Variants in CTSD observed in about 807,000 individuals in gnomAD.
CTSD encodes the protein ceroid-lipofuscinosis, neuronal 10.
CTSD carries 28 observed loss-of-function variants against 43.6 expected under a neutral mutation model. The observed-to-expected ratio is 0.64, with a 90% confidence interval of 0.48 to 0.88. CTSD has a LOEUF of 0.88. CTSD is among the 40% of genes least tolerant of loss of function. CTSD has a pLI of 0.00. For synonymous variants in CTSD, 270 were observed against 249.8 expected (o/e 1.08, Z -0.76); for missense variants, 485 against 555.2 (o/e 0.87, Z 1.27).
At chr11:1,758,880 G>A (rs1475945069) in intron 4 of CTSD, 89 bp downstream of exon 4, 28 of 975,126 alleles carry the variant, frequency 2.9e-5, no homozygotes, top group East Asian at 4.8e-5. Flanking sequence ...TGGGATCACC[G>A]AGCCCTCCCT....
intron 5 of CTSD, among the ~76,000 whole-genome samples, chr11:1,756,854 G>A (rs1035590758): frequency 6.6e-6 from 1 of 152,200 alleles, no homozygotes; most frequent in Non-Finnish European, 1.5e-5. Context: ...TGCTCGCAGC[G>A]TGGTGCCGGG....
Position 1,754,893 on chromosome 11 carries a change from A to G in CTSD, c.827+13T>C, listed in dbSNP as rs369602025. On this transcript the variant is annotated intron_variant, in intron 6 of 8. Transcript: ENST00000236671. ...CACAGAACCCAGGGGAGCCGACTGC[A>G]GCCACTACTCACTGGTCCAGGTGGA... The G allele has an allele frequency of 6.2e-4, 1,003 of 1,613,652 alleles. 5 individuals are homozygous for G. The Middle Eastern group carries it at 6.6e-3, about 11-fold the overall frequency.
Position 1,758,588 on chromosome 11 carries a change from C to T in CTSD, c.471+381G>A, listed in dbSNP as rs535950408. On this transcript the variant is annotated intron_variant, in intron 4 of 8. Transcript: ENST00000236671. ...ACAGCGGGTTCCTGGTACATCCTCCCAACCCCAAGCCTCCCCAAGCCCTCG... is the reference window on the plus strand; with the variant it reads ...ACAGCGGGTTCCTGGTACATCCTCCTAACCCCAAGCCTCCCCAAGCCCTCG... Among the ~76,000 whole-genome samples, 104 of 152,210 alleles carry T rather than the reference C, an allele frequency of 6.8e-4. 2 individuals are homozygous for T. Among genetic ancestry groups the T allele is most frequent in the Middle Eastern group, 3.4e-3 (1 of 292 alleles).
intron 1 of CTSD, 55 bp from the exon 2 acceptor site, chr11:1,761,523 G>T (rs529109482): frequency 3.8e-6 from 6 of 1,582,792 alleles, no homozygotes; most frequent in Admixed American, 1.7e-5. Flanking sequence ...GCCGGCCGAC[G>T]CTGCCAATGC....
Position 1,761,290 on chromosome 11 carries a change from G to A in CTSD, c.228+19C>T. 6.2e-7 allele frequency: 1 copy of A among 1,613,328 alleles called. No homozygotes were observed. On this transcript the variant is annotated intron_variant, in intron 2 of 8. Transcript: ENST00000236671. ...TGACAGTGGCTCCGCTTGCAGCAGGGCTAAGACCTCATACTCACGTCCATG... is the reference window on the plus strand; with the variant it reads ...TGACAGTGGCTCCGCTTGCAGCAGGACTAAGACCTCATACTCACGTCCATG...
chr11:1,756,433 C>T (rs181094171), intron 5 of CTSD, among the ~76,000 whole-genome samples: 28 of 152,298 alleles, frequency 1.8e-4, no homozygotes, highest in East Asian at 7.7e-4. Context: ...GCCCTACAGC[C>T]GGAATTCTGC....
intron 4 of CTSD, chr11:1,758,084 C>A (rs562788827): frequency 3.8e-5 from 8 of 210,118 alleles, no homozygotes; most frequent in Non-Finnish European, 5.9e-5. Flanking sequence ...GAGGCTGACA[C>A]GGGGCGGAGG....
chr11:1,763,738 A>G (rs1001964174), intron 1 of CTSD, 54 bp downstream of exon 1: 7 of 1,460,962 alleles, frequency 4.8e-6, no homozygotes, highest in Non-Finnish European at 5.5e-6. Flanking sequence ...AGGCCCCGGG[A>G]CCTCGGCGCC....
intron 1 of CTSD, chr11:1,763,401 G>A (rs1312127479): frequency 1.0e-5 from 2 of 194,800 alleles, no homozygotes; most frequent in Non-Finnish European, 2.1e-5. Context: ...AGACTCGGGG[G>A]CTCTGAGGCC....
intron 5 of CTSD, among the ~76,000 whole-genome samples, chr11:1,755,988 GACT>G (rs1845804474): frequency 6.6e-6 from 1 of 151,970 alleles, no homozygotes; most frequent in African/African-American, 2.4e-5. Context: ...GCTGCCTTGA[GACT>G]ACACCTGGGC....
chr11:1,753,263 G>C lies in CTSD; in HGVS notation c.*240C>G. 3.4e-6 allele frequency: 2 copies of C among 588,604 alleles called. No homozygotes were observed. The highest frequency in any genetic ancestry group is 6.1e-6 in the Non-Finnish European group (2 of 328,312). The allele number at this position is 588,604 out of a possible 1,614,324, so 36.5% of individuals were successfully genotyped here. A position where few individuals can be genotyped will look rare whatever the true frequency, so the allele number is the denominator to read the frequency against. On this transcript the variant is annotated 3_prime_UTR_variant, in exon 9 of 9. Transcript: ENST00000236671. ...ATGCACGAAACAGATCTGTGCTCTG[G>C]ATCAGCTCTACCCCCACCAAACAGA... is the stretch of plus-strand genomic sequence containing the variant.
chr11:1,753,693 T>G (rs1408830438), intron 8 of CTSD, 23 bp from the exon 9 acceptor site: 1 of 1,611,928 alleles, frequency 6.2e-7, no homozygotes, highest in Admixed American at 1.7e-5. Flanking sequence ...TGGTGGTCAG[T>G]ACCCAGGCCT....
intron 5 of CTSD, among the ~76,000 whole-genome samples, chr11:1,755,837 G>A (rs540474152): frequency 2.6e-5 from 4 of 152,170 alleles, no homozygotes; most frequent in African/African-American, 4.8e-5. Context: ...AGCCTCCTCC[G>A]CCTTTGCCTC....
At position 1,754,129 on chromosome 11, in the gene CTSD, C is replaced by T. The variant is rs1305103127; in HGVS notation, c.837G>A (p.Val279=). The change falls in exon 7 of 9, where the codon GTG becomes GTA. Residue 279 remains valine (V), a synonymous_variant. Transcript: ENST00000236671. ...CCTTGCACAGGGTCAGCCCGCTGGC[C>T]ACCTCCACCCTGCGGGGAGTCAGGG... ...YWQVHLDQVE[V]ASGLTLCKEG... The T allele has an allele frequency of 2.5e-6, 4 of 1,609,176 alleles. No homozygotes were observed. The highest frequency in any genetic ancestry group is 3.4e-6 in the Non-Finnish European group (4 of 1,179,650).
intron 6 of CTSD, 90 bp downstream of exon 6, chr11:1,754,815 AC>A: frequency 3.2e-6 from 5 of 1,569,596 alleles, no homozygotes; most frequent in Non-Finnish European, 3.5e-6. Context: ...CCCACATGCA[AC>A]CCCCACCTGC....
intron 5 of CTSD, among the ~76,000 whole-genome samples, chr11:1,756,587 G>T (rs114032745): frequency 6.6e-6 from 1 of 151,870 alleles, no homozygotes; most frequent in South Asian, 2.1e-4. Context: ...CGGCTGACAC[G>T]CTGCCCACCC....
intron 6 of CTSD, among the ~76,000 whole-genome samples, chr11:1,754,457 A>ATGGAGGG (rs1845775628): frequency 1.1e-5 from 1 of 91,102 alleles, no homozygotes; most frequent in Non-Finnish European, 2.2e-5. Context: ...AGGGATAGAC[A>ATGGAGGG]GATGGAGGGG....
At chr11:1,756,666 G>A (rs929945407) in intron 5 of CTSD, among the ~76,000 whole-genome samples, 1 of 151,724 alleles carries the variant, frequency 6.6e-6, no homozygotes, top group African/African-American at 2.4e-5. Context: ...TCTGCCCCGA[G>A]AAGAGGAAAC....
rs1845750904 is a variant in CTSD, at chr11:1,753,366, G to C, written c.*137C>G. ...CAGAACAAAACAGCAAGTCGGGCTTGGGCCGCCGGCTTCCAGGGCGCCCAG... is the reference window on the plus strand; with the variant it reads ...CAGAACAAAACAGCAAGTCGGGCTTCGGCCGCCGGCTTCCAGGGCGCCCAG... On this transcript the variant is annotated 3_prime_UTR_variant, in exon 9 of 9. Coordinates refer to ENST00000236671, the MANE Select transcript of CTSD (RefSeq NM_001909.5). The C allele has an allele frequency of 4.8e-6, 5 of 1,036,702 alleles. No homozygotes were observed. Among genetic ancestry groups the C allele is most frequent in the Middle Eastern group, 2.3e-4 (1 of 4,314 alleles). 64.2% of individuals were successfully genotyped at this position (1,036,702 alleles called of 1,614,324 possible).
Sources: allele counts gnomAD v4.1 joint callset (sites outside exome capture counted in the v4.1 genomes callset), GRCh38; gene constraint gnomAD v4.1.1; transcripts MANE v1.5; gene names NCBI Gene and HGNC (gene_info 2026-07-23, HGNC 2026-07-21).